Variants in ADAMTS6 observed in about 807,000 individuals in gnomAD.
The protein encoded by ADAMTS6 is ADAM metallopeptidase with thrombospondin type 1 motif 6, also known as A disintegrin and metalloproteinase with thrombospondin motifs 6.
ADAMTS6 carries 23 observed loss-of-function variants against 144.3 expected under a neutral mutation model. The ratio of observed to expected loss-of-function variants is 0.16; its 90% CI spans 0.11 to 0.23. The LOEUF (loss-of-function observed/expected upper bound fraction) is 0.23, where lower values mean the gene tolerates loss of function less well. ADAMTS6 is among the 10% of genes least tolerant of loss of function. The probability of loss-of-function intolerance (pLI) is 1.00; values close to 1 mark genes in which losing one functional copy is unlikely to be tolerated. For synonymous variants in ADAMTS6, 444 were observed against 457.5 expected, an observed-to-expected ratio of 0.97 and a Z score of 0.38; for missense variants, 999 against 1,379.6, an observed-to-expected ratio of 0.72 and a Z score of 4.37.
intron 15 of ADAMTS6, among the ~76,000 whole-genome samples, chr5:65,228,770 C>T (rs921997312): frequency 6.6e-6 from 1 of 152,190 alleles, no homozygotes; most frequent in Non-Finnish European, 1.5e-5. Flanking sequence ...ACCAAGCTTC[C>T]CTAGCTGTGT....
chr5:65,363,751 T>A (rs1161288341), intron 7 of ADAMTS6, among the ~76,000 whole-genome samples: 1 of 152,214 alleles, frequency 6.6e-6, no homozygotes, highest in Non-Finnish European at 1.5e-5. Context: ...AAGAGACTTT[T>A]AAATAATCTT....
At chr5:65,355,228 T>C (rs1031765507) in intron 7 of ADAMTS6, among the ~76,000 whole-genome samples, 2 of 151,850 alleles carry the variant, frequency 1.3e-5, no homozygotes, top group African/African-American at 4.8e-5. Flanking sequence ...AAAGATGTGA[T>C]GATAATGGTA....
intron 7 of ADAMTS6, among the ~76,000 whole-genome samples, chr5:65,377,546 G>T (rs1342213977): frequency 6.6e-6 from 1 of 152,136 alleles, no homozygotes; most frequent in Non-Finnish European, 1.5e-5. Context: ...ATGATAAAGA[G>T]AATAAAATAC....
At chr5:65,307,381 G>A (rs1263637715) in intron 9 of ADAMTS6, among the ~76,000 whole-genome samples, 5 of 152,128 alleles carry the variant, frequency 3.3e-5, no homozygotes, top group African/African-American at 1.2e-4. Context: ...AAGGCTTAGA[G>A]GTTTAGTGAA....
chr5:65,474,361 A>ATTG (rs1760690045), intron 1 of ADAMTS6, among the ~76,000 whole-genome samples: 1 of 152,050 alleles, frequency 6.6e-6, no homozygotes, highest in African/African-American at 2.4e-5. Context: ...ATATCCAGAT[A>ATTG]TTGTTGTGTT....
chr5:65,414,054 G>C (rs1258206451), intron 7 of ADAMTS6, among the ~76,000 whole-genome samples: 1 of 152,086 alleles, frequency 6.6e-6, no homozygotes, highest in Non-Finnish European at 1.5e-5. Flanking sequence ...CATGTACAAA[G>C]TGCCCTCCCT....
At chr5:65,318,090 A>AAG (rs1388372869) in intron 9 of ADAMTS6, among the ~76,000 whole-genome samples, 2 of 150,148 alleles carry the variant, frequency 1.3e-5, no homozygotes, top group African/African-American at 4.9e-5. Flanking sequence ...AAAAAAAAAA[A>AAG]AAGAAGATAT....
intron 7 of ADAMTS6, among the ~76,000 whole-genome samples, chr5:65,418,433 C>T (rs964260831): frequency 6.6e-6 from 1 of 152,084 alleles, no homozygotes. Context: ...ATTTAAAACA[C>T]TCCTCTGCCA....
At chr5:65,347,652 G>A (rs940815435) in intron 7 of ADAMTS6, among the ~76,000 whole-genome samples, 1 of 151,962 alleles carries the variant, frequency 6.6e-6, no homozygotes, top group African/African-American at 2.4e-5. Flanking sequence ...ACAGACAAAC[G>A]GGATTATATC....
At chr5:65,411,996 C>A (rs75758394) in intron 7 of ADAMTS6, among the ~76,000 whole-genome samples, 3,002 of 152,106 alleles carry the variant, frequency 0.02, 81 homozygotes, top group African/African-American at 0.066. Flanking sequence ...TAATTTAAAC[C>A]AGGCACCATT....
intron 4 of ADAMTS6, among the ~76,000 whole-genome samples, chr5:65,453,629 C>T (rs1580743858): frequency 6.6e-6 from 1 of 152,158 alleles, no homozygotes; most frequent in East Asian, 1.9e-4. Context: ...GTTTTCTAGA[C>T]ATTTGGTTCT....
intron 18 of ADAMTS6, among the ~76,000 whole-genome samples, chr5:65,217,369 C>T (rs1007010621): frequency 2.0e-5 from 3 of 150,944 alleles, no homozygotes; most frequent in Admixed American, 1.3e-4. Flanking sequence ...TGAGCTCTCA[C>T]TTCCTTTTTT....
At chr5:65,278,943 CT>C (rs59600636) in intron 11 of ADAMTS6, among the ~76,000 whole-genome samples, 5,813 of 131,908 alleles carry the variant, frequency 0.044, 317 homozygotes, top group African/African-American at 0.15. Context: ...TCTTTACAGT[CT>C]TTTTTTTTTT....
At chr5:65,184,968 G>C (rs1478601836) in intron 22 of ADAMTS6, among the ~76,000 whole-genome samples, 1 of 152,162 alleles carries the variant, frequency 6.6e-6, no homozygotes, top group Non-Finnish European at 1.5e-5. Flanking sequence ...TCACCCTTGT[G>C]ATTAGCAGAG....
At chr5:65,183,738 T>G (rs73105104) in intron 22 of ADAMTS6, among the ~76,000 whole-genome samples, 2,911 of 152,280 alleles carry the variant, frequency 0.019, 98 homozygotes, top group African/African-American at 0.067. Flanking sequence ...TGTATAGACA[T>G]TAATTTAATT....
intron 22 of ADAMTS6, among the ~76,000 whole-genome samples, chr5:65,181,616 G>T (rs1344561218): frequency 6.6e-6 from 1 of 151,846 alleles, no homozygotes; most frequent in African/African-American, 2.4e-5. Flanking sequence ...CATACTTTAG[G>T]GCCTACTCAT....
At chr5:65,212,998 T>C (rs1756643292) in intron 20 of ADAMTS6, among the ~76,000 whole-genome samples, 2 of 152,320 alleles carry the variant, frequency 1.3e-5, no homozygotes, top group East Asian at 1.9e-4. Context: ...ATAAAAAGAA[T>C]TGAATTGGAT....
intron 11 of ADAMTS6, among the ~76,000 whole-genome samples, chr5:65,287,985 C>A (rs998084476): frequency 5.3e-5 from 8 of 152,112 alleles, no homozygotes; most frequent in African/African-American, 1.4e-4. Context: ...GTATTTACAG[C>A]CATTACAACC....
At chr5:65,426,156 C>T (rs1756509490) in intron 7 of ADAMTS6, among the ~76,000 whole-genome samples, 1 of 152,020 alleles carries the variant, frequency 6.6e-6, no homozygotes. Context: ...AAGCAATTCT[C>T]CTGCCTCGGC....
Sources: allele counts gnomAD v4.1 joint callset (sites outside exome capture counted in the v4.1 genomes callset), GRCh38; gene constraint gnomAD v4.1.1; transcripts MANE v1.5; gene names NCBI Gene and HGNC (gene_info 2026-07-23, HGNC 2026-07-21).